CSMD1: variants seen among roughly 807,000 people sequenced by gnomAD.
The protein encoded by CSMD1 is CUB and sushi domain-containing protein 1.
Under a neutral mutation model 417.5 loss-of-function variants are expected in CSMD1, and 213 were observed. The observed-to-expected ratio is 0.51, with a 90% CI of 0.46 to 0.57. The LOEUF (loss-of-function observed/expected upper bound fraction) is 0.57, where lower values mean the gene tolerates loss of function less well. Among genes scored for constraint, CSMD1 ranks in the 20% least tolerant of loss-of-function variants. The pLI is 0.00. For synonymous variants in CSMD1, 2,862 were observed against 1,736.8 expected (o/e 1.65, Z -16.11); for missense variants, 6,923 against 4,529.7 (o/e 1.53, Z -15.17).
At chr8:3,446,975 A>G (rs1484483237) in intron 12 of CSMD1, among the ~76,000 whole-genome samples, 1 of 152,238 alleles carries the variant, frequency 6.6e-6, no homozygotes, top group Non-Finnish European at 1.5e-5. Context: ...TTGTTAACAA[A>G]GGAGTTGAAG....
intron 25 of CSMD1, among the ~76,000 whole-genome samples, chr8:3,287,243 C>G (rs1348391692): frequency 6.6e-6 from 1 of 150,798 alleles, no homozygotes; most frequent in Admixed American, 6.7e-5. Context: ...GGTGATGCCT[C>G]CAGCTTTGTT....
At chr8:3,084,795 C>A (rs1164758111) in intron 49 of CSMD1, among the ~76,000 whole-genome samples, 2 of 151,852 alleles carry the variant, frequency 1.3e-5, no homozygotes, top group African/African-American at 4.8e-5. Flanking sequence ...ATCATTTTTA[C>A]TCTTCATTTT....
At chr8:3,306,154 T>C (rs549415292) in intron 25 of CSMD1, among the ~76,000 whole-genome samples, 37 of 152,310 alleles carry the variant, frequency 2.4e-4, no homozygotes, top group Non-Finnish European at 4.4e-5. Context: ...TTTTGTTAAG[T>C]TATAGGGTTG....
At chr8:3,627,152 T>C (rs1796532177) in intron 7 of CSMD1, among the ~76,000 whole-genome samples, 1 of 152,162 alleles carries the variant, frequency 6.6e-6, no homozygotes, top group Non-Finnish European at 1.5e-5. Flanking sequence ...TTAATTCTCT[T>C]AGAATATGTG....
At chr8:3,770,539 T>C (rs1397496384) in intron 5 of CSMD1, among the ~76,000 whole-genome samples, 22 of 151,630 alleles carry the variant, frequency 1.5e-4, no homozygotes. Flanking sequence ...AAAAAATAAA[T>C]AAATAAAAAG....
At chr8:4,923,014 A>G (rs1806599996) in intron 1 of CSMD1, among the ~76,000 whole-genome samples, 1 of 152,196 alleles carries the variant, frequency 6.6e-6, no homozygotes, top group Non-Finnish European at 1.5e-5. Context: ...CATCCACCTC[A>G]GCTAGATGGG....
At chr8:2,987,957 C>A (rs1459883113) in intron 54 of CSMD1, among the ~76,000 whole-genome samples, 1 of 136,672 alleles carries the variant, frequency 7.3e-6, no homozygotes, top group African/African-American at 2.6e-5. Flanking sequence ...TAAATGTGTA[C>A]CATGGGGGTT....
intron 49 of CSMD1, among the ~76,000 whole-genome samples, chr8:3,080,310 G>T (rs940272995): frequency 6.6e-6 from 1 of 152,168 alleles, no homozygotes; most frequent in African/African-American, 2.4e-5. Flanking sequence ...GCTGATAATG[G>T]AAACAGCTGC....
rs531517824 is a variant in CSMD1, at chr8:3,223,743, G to A, written c.4470C>T (p.Ala1490=). ...AGAGACGGTACCTTTTGAATATCAAGGCGATGACAAAGTCCGGGTTCACTT... is the reference window on the plus strand; with the variant it reads ...AGAGACGGTACCTTTTGAATATCAAAGCGATGACAAAGTCCGGGTTCACTT... ...RVKVNPDFVI[A]LIFKSFNMEP... The change falls in exon 28 of 70, where the codon GCC becomes GCT. Residue 1490 remains alanine, a synonymous_variant. Coordinates refer to ENST00000635120, the MANE Select transcript of CSMD1 (RefSeq NM_033225.6). 8 of 1,613,882 alleles carry A rather than the reference G, an allele frequency of 5.0e-6. 1 individual carries two copies. The highest frequency in any genetic ancestry group is 4.0e-5 in the African/African-American group (3 of 75,026).
chr8:3,205,521 G>A lies in CSMD1; in HGVS notation c.4967C>T (p.Thr1656Met), dbSNP rs116801637. 459 of 1,561,970 alleles carry A rather than the reference G, an allele frequency of 2.9e-4. 1 individual carries two copies. The African/African-American group carries it at 3.3e-3, about 11-fold the overall frequency. ...ATCCTTACCGAATTCCTTTGGTACCGTGATGGAATAGAGGCATATTTGACC... is the reference window on the plus strand; with the variant it reads ...ATCCTTACCGAATTCCTTTGGTACCATGATGGAATAGAGGCATATTTGACC... ...TAGQICLYSITVPKEFVVFGQ... is the reference protein window; with the variant it reads ...TAGQICLYSIMVPKEFVVFGQ... The change falls in exon 31 of 70, where the codon ACG becomes ATG. Residue 1656 changes from threonine to methionine, a missense_variant. Coordinates refer to ENST00000635120, the MANE Select transcript of CSMD1 (RefSeq NM_033225.6).
intron 5 of CSMD1, among the ~76,000 whole-genome samples, chr8:3,960,721 T>C (rs1458830678): frequency 6.6e-6 from 1 of 151,960 alleles, no homozygotes; most frequent in East Asian, 1.9e-4. Flanking sequence ...TTTTTAAGGA[T>C]AAATTTAATT....
intron 5 of CSMD1, among the ~76,000 whole-genome samples, chr8:3,906,734 C>T (rs1268886896): frequency 6.6e-6 from 1 of 151,684 alleles, no homozygotes; most frequent in Non-Finnish European, 1.5e-5. Flanking sequence ...AGATTTTCCT[C>T]ATCTTTGATA....
In CSMD1 at chr8:4,301,816, C is replaced by A. The variant is rs548003343; in HGVS notation, c.415+118137G>T. On this transcript the variant is annotated intron_variant, in intron 3 of 69. Coordinates refer to ENST00000635120, the MANE Select transcript of CSMD1 (RefSeq NM_033225.6). ...GATTTTGCCAGGGGGGTTCATTGTC[C>A]CCATAAACTTTTCAGAAAGCATCGG... is the stretch of plus-strand genomic sequence containing the variant. Among the ~76,000 whole-genome samples, 36 of 152,232 alleles carry A rather than the reference C, an allele frequency of 2.4e-4. No individual in the cohort carries two copies. The South Asian group carries it at 7.3e-3, about 31-fold the overall frequency.
intron 3 of CSMD1, among the ~76,000 whole-genome samples, chr8:4,359,174 T>C (rs1030301434): frequency 6.6e-6 from 1 of 152,190 alleles, no homozygotes. Context: ...TACTTGGTTA[T>C]CAGCAATTTC....
chr8:4,899,653 T>C (rs1367650386), intron 1 of CSMD1, among the ~76,000 whole-genome samples: 1 of 152,162 alleles, frequency 6.6e-6, no homozygotes, highest in Non-Finnish European at 1.5e-5. Flanking sequence ...TTTGCAAAAA[T>C]ATAAGATGAC....
At chr8:4,742,444 T>A (rs1425565962) in intron 1 of CSMD1, among the ~76,000 whole-genome samples, 1 of 152,118 alleles carries the variant, frequency 6.6e-6, no homozygotes, top group South Asian at 2.1e-4. Context: ...TGACTAAGAT[T>A]AGAGGTATTT....
At chr8:4,591,160 G>A (rs975162850) in intron 2 of CSMD1, among the ~76,000 whole-genome samples, 3 of 152,200 alleles carry the variant, frequency 2.0e-5, no homozygotes, top group Non-Finnish European at 4.4e-5. Flanking sequence ...TGTGTGTTGA[G>A]TGCTTACTGT....
chr8:3,115,310 T>C (rs1816799539), intron 42 of CSMD1, among the ~76,000 whole-genome samples: 1 of 149,744 alleles, frequency 6.7e-6, no homozygotes, highest in African/African-American at 2.4e-5. Flanking sequence ...CAAGTGATTC[T>C]CCTGCCTCAG....
chr8:4,339,609 G>A (rs978745718), intron 3 of CSMD1, among the ~76,000 whole-genome samples: 12 of 152,098 alleles, frequency 7.9e-5, no homozygotes, highest in African/African-American at 1.2e-4. Flanking sequence ...GTGGGAAATC[G>A]CTCAATGATT....
Sources: allele counts gnomAD v4.1 joint callset (sites outside exome capture counted in the v4.1 genomes callset), GRCh38; gene constraint gnomAD v4.1.1; transcripts MANE v1.5; gene names NCBI Gene and HGNC (gene_info 2026-07-23, HGNC 2026-07-21).